RALGPS1: variants seen among roughly 807,000 people sequenced by gnomAD.
RALGPS1 encodes the protein ras-specific guanine nucleotide-releasing factor RalGPS1.
RALGPS1 carries 19 observed loss-of-function variants against 78.8 expected under a neutral mutation model. The ratio of observed to expected loss-of-function variants is 0.24; its 90% CI spans 0.17 to 0.35. The LOEUF (loss-of-function observed/expected upper bound fraction) is 0.35, where lower values mean the gene tolerates loss of function less well. Among genes scored for constraint, RALGPS1 ranks in the 10% least tolerant of loss-of-function variants. The pLI, the probability that RALGPS1 is intolerant of heterozygous loss-of-function variation, is 1.00. For missense variants in RALGPS1, 454 were observed against 688.3 expected (o/e 0.66, Z 3.81); for synonymous variants, 228 against 256.3 (o/e 0.89, Z 1.06).
At chr9:127,038,364 A>G (rs1405907731) in intron 5 of RALGPS1, among the ~76,000 whole-genome samples, 1 of 152,324 alleles carries the variant, frequency 6.6e-6, no homozygotes, top group Non-Finnish European at 1.5e-5. Context: ...AACTTGCTCA[A>G]ATTTACATAG....
At chr9:127,131,724 T>C (rs1485169628) in intron 8 of RALGPS1, among the ~76,000 whole-genome samples, 2 of 152,184 alleles carry the variant, frequency 1.3e-5, no homozygotes, top group Non-Finnish European at 2.9e-5. Context: ...GACCCTCGTG[T>C]CTTCATCTGT....
At chr9:127,023,989 A>C (rs2045721941) in intron 4 of RALGPS1, among the ~76,000 whole-genome samples, 1 of 136,342 alleles carries the variant, frequency 7.3e-6, no homozygotes, top group Non-Finnish European at 1.5e-5. Context: ...GTAAGCTGAG[A>C]TCGCGCCACT....
chr9:127,066,066 T>C (rs1394267124), intron 7 of RALGPS1, among the ~76,000 whole-genome samples: 16 of 152,286 alleles, frequency 1.1e-4, no homozygotes, highest in Non-Finnish European at 1.9e-4. Flanking sequence ...GGATGAGGCA[T>C]AGAAGATAGG....
chr9:127,150,712 T>C (rs2058367637), intron 8 of RALGPS1, among the ~76,000 whole-genome samples: 1 of 152,242 alleles, frequency 6.6e-6, no homozygotes, highest in Non-Finnish European at 1.5e-5. Flanking sequence ...GCAGCCTCAC[T>C]ACCGAGCCCC....
intron 8 of RALGPS1, among the ~76,000 whole-genome samples, chr9:127,118,559 A>G (rs1295604213): frequency 6.6e-6 from 1 of 152,200 alleles, no homozygotes; most frequent in Admixed American, 6.5e-5. Flanking sequence ...TGGCCCATGC[A>G]TGGAGAGACC....
chr9:127,147,601 G>A (rs2058168340), intron 8 of RALGPS1, among the ~76,000 whole-genome samples: 1 of 152,166 alleles, frequency 6.6e-6, no homozygotes, highest in African/African-American at 2.4e-5. Context: ...CATATGGTTA[G>A]CCAGTTATCC....
At chr9:127,132,356 T>C (rs2057064484) in intron 8 of RALGPS1, among the ~76,000 whole-genome samples, 1 of 152,182 alleles carries the variant, frequency 6.6e-6, no homozygotes, top group East Asian at 1.9e-4. Context: ...TTCCTATAAA[T>C]CGTCTTGCAG....
At chr9:126,934,578 C>T (rs938780870) in intron 1 of RALGPS1, among the ~76,000 whole-genome samples, 24 of 152,202 alleles carry the variant, frequency 1.6e-4, no homozygotes, top group African/African-American at 5.5e-4. Flanking sequence ...GCAGCCTCTG[C>T]GAGCCACAAA....
chr9:127,143,163 C>T (rs1010737005), intron 8 of RALGPS1, among the ~76,000 whole-genome samples: 1 of 151,936 alleles, frequency 6.6e-6, no homozygotes, highest in Non-Finnish European at 1.5e-5. Context: ...CAATAAATAC[C>T]CTGGTGTGTA....
At chr9:126,969,936 C>G (rs1173818319) in intron 3 of RALGPS1, among the ~76,000 whole-genome samples, 2 of 152,132 alleles carry the variant, frequency 1.3e-5, no homozygotes, top group African/African-American at 2.4e-5. Flanking sequence ...GAAACCAGGT[C>G]TCTGGAGTCT....
chr9:127,040,048 G>A (rs2047159297), intron 5 of RALGPS1, among the ~76,000 whole-genome samples: 2 of 152,184 alleles, frequency 1.3e-5, no homozygotes, highest in African/African-American at 4.8e-5. Context: ...TTAGGGGTTG[G>A]CAAAGCAGAT....
intron 1 of RALGPS1, among the ~76,000 whole-genome samples, chr9:126,930,481 T>C (rs1243006913): frequency 6.6e-6 from 1 of 152,252 alleles, no homozygotes; most frequent in Non-Finnish European, 1.5e-5. Flanking sequence ...CTTGCTGTGT[T>C]GCCCAGCCTG....
At chr9:127,022,410 G>A (rs1283928625) in intron 4 of RALGPS1, among the ~76,000 whole-genome samples, 1 of 151,728 alleles carries the variant, frequency 6.6e-6, no homozygotes, top group Non-Finnish European at 1.5e-5. Flanking sequence ...CCTCTCTGCC[G>A]TGCTCTCCCT....
At chr9:127,001,633 C>T (rs1434393011) in intron 4 of RALGPS1, among the ~76,000 whole-genome samples, 3 of 152,004 alleles carry the variant, frequency 2.0e-5, no homozygotes, top group Non-Finnish European at 4.4e-5. Context: ...CACCTGTAAT[C>T]CCAGCACTTT....
intron 4 of RALGPS1, among the ~76,000 whole-genome samples, chr9:127,004,949 C>G (rs984788699): frequency 6.6e-6 from 1 of 152,154 alleles, no homozygotes; most frequent in Non-Finnish European, 1.5e-5. Context: ...TTGGAAGACC[C>G]TTCAAAATTG....
intron 4 of RALGPS1, chr9:126,990,039 T>C (rs1473459241): frequency 1.3e-6 from 2 of 1,546,796 alleles, no homozygotes; most frequent in Non-Finnish European, 8.7e-7. Context: ...GTTTGCCTGC[T>C]CTGAAGAAGC....
At chr9:127,143,480 T>C (rs2057911852) in intron 8 of RALGPS1, among the ~76,000 whole-genome samples, 1 of 152,206 alleles carries the variant, frequency 6.6e-6, no homozygotes, top group African/African-American at 2.4e-5. Context: ...TTTTTCTCCA[T>C]AGCCCCGTGC....
At chr9:127,088,920 G>T (rs779388702) in intron 8 of RALGPS1, 3 of 1,614,208 alleles carry the variant, frequency 1.9e-6, no homozygotes, top group Admixed American at 1.7e-5. Flanking sequence ...GCCACGAGAG[G>T]TCAGGAGGGG....
chr9:127,196,000 C>A (rs564995227), intron 12 of RALGPS1, among the ~76,000 whole-genome samples: 2 of 152,240 alleles, frequency 1.3e-5, no homozygotes, highest in African/African-American at 4.8e-5. Context: ...CTCCCTGAGT[C>A]CCCATGCAGG....
Sources: allele counts gnomAD v4.1 joint callset (sites outside exome capture counted in the v4.1 genomes callset), GRCh38; gene constraint gnomAD v4.1.1; transcripts MANE v1.5; gene names NCBI Gene and HGNC (gene_info 2026-07-23, HGNC 2026-07-21).